ADAMTS18: variants seen among roughly 807,000 people sequenced by gnomAD.
The protein encoded by ADAMTS18 is A disintegrin and metalloproteinase with thrombospondin motifs 18.
In ADAMTS18, 157 loss-of-function variants were observed where a neutral mutation model predicts 165.9. That is an observed-to-expected ratio of 0.95 (90% CI 0.83 to 1.08). The LOEUF is 1.08. Among genes scored for constraint, ADAMTS18 ranks in the 50% least tolerant of loss-of-function variants. The probability of loss-of-function intolerance (pLI) is 0.00; values close to 1 mark genes in which losing one functional copy is unlikely to be tolerated. For missense variants in ADAMTS18, 2,040 were observed against 1,534.0 expected (o/e 1.33, Z -5.51); for synonymous variants, 782 against 578.2 (o/e 1.35, Z -5.06).
At chr16:77,409,007 C>T (rs1367058470) in intron 3 of ADAMTS18, among the ~76,000 whole-genome samples, 3 of 102,484 alleles carry the variant, frequency 2.9e-5, no homozygotes, top group Non-Finnish European at 7.5e-5. Context: ...TCTTACTGTG[C>T]CTAATTTATG....
chr16:77,430,500 C>A (rs1371102366), intron 3 of ADAMTS18, among the ~76,000 whole-genome samples: 2 of 152,216 alleles, frequency 1.3e-5, no homozygotes, highest in Non-Finnish European at 2.9e-5. Context: ...CTTCTTCTGG[C>A]CATGCCAGAG....
chr16:77,350,500 T>A lies in ADAMTS18; in HGVS notation c.1614+3233A>T, dbSNP rs188456798. ...TCACCAATGAGCCATGGAGGAACTATTGTAATCTTCACCTTTCAAAGGTGA... is the reference window on the plus strand; with the variant it reads ...TCACCAATGAGCCATGGAGGAACTAATGTAATCTTCACCTTTCAAAGGTGA... On this transcript the variant is annotated intron_variant, in intron 10 of 22. Coordinates refer to ENST00000282849, the MANE Select transcript of ADAMTS18 (RefSeq NM_199355.4). Among the ~76,000 whole-genome samples, 251 of 152,284 alleles carry A rather than the reference T, an allele frequency of 1.6e-3. 2 individuals are homozygous for A. Among genetic ancestry groups the A allele is most frequent in the African/African-American group, 5.8e-3 (240 of 41,550 alleles).
Position 77,282,380 on chromosome 16 carries a change from A to AAATTTTTTTTTTTCCTGTTGAT in ADAMTS18, c.*1554_*1575dup, listed in dbSNP as rs2055162614. 2.0e-5 allele frequency: 3 copies of AAATTTTTTTTTTTCCTGTTGAT among 152,112 alleles called. No individual in the cohort carries two copies. The highest frequency in any genetic ancestry group is 7.2e-5 in the African/African-American group (3 of 41,442). 9.4% of individuals were successfully genotyped at this position (152,112 alleles called of 1,614,324 possible). On this transcript the variant is annotated 3_prime_UTR_variant, in exon 23 of 23. Coordinates refer to ENST00000282849, the MANE Select transcript of ADAMTS18 (RefSeq NM_199355.4). Reference sequence around the variant, plus strand: ...GAAGGCAACGGGGTTGTAGTAGAGAAAATTTTTTTTTTTCCTGTTGATAAA... The same window carrying AAATTTTTTTTTTTCCTGTTGAT: ...GAAGGCAACGGGGTTGTAGTAGAGAAAATTTTTTTTTTTCCTGTTGATAATTTTTTTTTTTCCTGTTGATAAA...
intron 3 of ADAMTS18, among the ~76,000 whole-genome samples, chr16:77,390,163 A>G (rs2057166126): frequency 1.3e-5 from 2 of 152,180 alleles, no homozygotes; most frequent in South Asian, 2.1e-4. Context: ...CAAGAAATCA[A>G]TCAGAAGCTA....
chr16:77,306,933 T>C (rs1488632688), intron 16 of ADAMTS18, among the ~76,000 whole-genome samples: 1 of 152,180 alleles, frequency 6.6e-6, no homozygotes, highest in East Asian at 1.9e-4. Context: ...TCTCAAGCTT[T>C]GAAACACCAA....
chr16:77,379,291 C>T (rs1039367021), intron 3 of ADAMTS18, among the ~76,000 whole-genome samples: 1 of 152,210 alleles, frequency 6.6e-6, no homozygotes, highest in Non-Finnish European at 1.5e-5. Flanking sequence ...TCCTCCTGCT[C>T]CACTGAAAAG....
intron 3 of ADAMTS18, among the ~76,000 whole-genome samples, chr16:77,378,142 C>T (rs274526): frequency 0.77 from 116,206 of 151,762 alleles, 44,626 homozygotes; most frequent in East Asian, 0.89. Context: ...CTGGGAAACA[C>T]CACAAGATCC....
chr16:77,400,350 G>A (rs1023627002), intron 3 of ADAMTS18, among the ~76,000 whole-genome samples: 3 of 152,110 alleles, frequency 2.0e-5, no homozygotes, highest in Non-Finnish European at 4.4e-5. Flanking sequence ...TGGGGATGGA[G>A]TGAGTTAAGA....
intron 3 of ADAMTS18, among the ~76,000 whole-genome samples, chr16:77,379,409 G>A (rs554884620): frequency 1.3e-5 from 2 of 152,300 alleles, no homozygotes; most frequent in African/African-American, 4.8e-5. Flanking sequence ...AAGCAAAGTG[G>A]ACTTTATGGA....
At chr16:77,350,160 A>G (rs954445330) in intron 10 of ADAMTS18, among the ~76,000 whole-genome samples, 2 of 152,222 alleles carry the variant, frequency 1.3e-5, no homozygotes, top group African/African-American at 4.8e-5. Flanking sequence ...CACTTGTTAC[A>G]GAGGGAATCC....
chr16:77,398,766 C>T (rs566170512), intron 3 of ADAMTS18, among the ~76,000 whole-genome samples: 1 of 152,134 alleles, frequency 6.6e-6, no homozygotes, highest in East Asian at 1.9e-4. Context: ...TGCTGAATAC[C>T]CCCTGGGGTA....
chr16:77,301,523 T>C (rs2055582583), intron 16 of ADAMTS18, among the ~76,000 whole-genome samples: 1 of 152,258 alleles, frequency 6.6e-6, no homozygotes, highest in Admixed American at 6.5e-5. Flanking sequence ...CCATGAATCT[T>C]GTGGAAAATT....
Position 77,341,805 on chromosome 16 carries a change from A to G in ADAMTS18, c.1615-6T>C. 1 of 1,605,304 alleles carries G rather than the reference A, an allele frequency of 6.2e-7. No homozygotes were observed. Among genetic ancestry groups the G allele is most frequent in the Non-Finnish European group, 8.5e-7 (1 of 1,175,008 alleles). ...CAAAGTGATTTGCAAATATCCTGAAATAAAAAAAAAGGGGGGTGCTGTTAA... is the reference window on the plus strand; with the variant it reads ...CAAAGTGATTTGCAAATATCCTGAAGTAAAAAAAAAGGGGGGTGCTGTTAA... On this transcript the variant is annotated splice_polypyrimidine_tract_variant and splice_region_variant and intron_variant, in intron 10 of 22. Transcript: ENST00000282849.
chr16:77,315,084 T>C (rs2055863222), intron 16 of ADAMTS18, among the ~76,000 whole-genome samples: 2 of 152,054 alleles, frequency 1.3e-5, no homozygotes, highest in African/African-American at 4.8e-5. Flanking sequence ...TCTTCCTTAG[T>C]AAATATTTAA....
chr16:77,419,954 C>T (rs1464740415), intron 3 of ADAMTS18, among the ~76,000 whole-genome samples: 4 of 147,026 alleles, frequency 2.7e-5, no homozygotes, highest in Non-Finnish European at 4.5e-5. Context: ...AACCGCATCA[C>T]GCCACTGCAC....
rs755865097 is a variant in ADAMTS18, at chr16:77,431,436, C to G, written c.354G>C (p.Leu118Phe). Reference protein sequence around the residue: ...LHLELKPSAILSSHFIVQVLG... With the variant: ...LHLELKPSAIFSSHFIVQVLG... ...GTACCTGGACAATAAAGTGACTGCT[C>G]AAAATCGCCGAGGGCTTAAGTTCTA... Residue 118 changes from leucine (L) to phenylalanine (F), a missense_variant, in exon 3 of 23, where the codon TTG (leucine) becomes TTC (phenylalanine). By Grantham distance (22) the Leu-to-Phe change is conservative (BLOSUM62 0). Transcript: ENST00000282849. The G allele has an allele frequency of 4.3e-6, 7 of 1,614,076 alleles. No individual in the cohort carries two copies. In the Admixed American group the frequency reaches 1.2e-4, roughly 27 times the overall value.
chr16:77,433,363 T>A (rs1457306376), intron 2 of ADAMTS18: 1 of 152,238 alleles, frequency 6.6e-6, no homozygotes, highest in Non-Finnish European at 1.5e-5. Context: ...TACCAGCTTG[T>A]TTCCAAGGGG....
chr16:77,425,878 AC>A (rs1483338397), intron 3 of ADAMTS18, among the ~76,000 whole-genome samples: 1 of 152,090 alleles, frequency 6.6e-6, no homozygotes, highest in Non-Finnish European at 1.5e-5. Flanking sequence ...CCCCATCTCT[AC>A]TAAAAATAAC....
chr16:77,347,340 G>A (rs1292101006), intron 10 of ADAMTS18, among the ~76,000 whole-genome samples: 2 of 152,074 alleles, frequency 1.3e-5, no homozygotes, highest in Non-Finnish European at 2.9e-5. Flanking sequence ...TGGGTCAAAG[G>A]GTAAAGGTAG....
Sources: allele counts gnomAD v4.1 joint callset (sites outside exome capture counted in the v4.1 genomes callset), GRCh38; gene constraint gnomAD v4.1.1; transcripts MANE v1.5; gene names NCBI Gene and HGNC (gene_info 2026-07-23, HGNC 2026-07-21).